ZNF718: variants seen among roughly 807,000 people sequenced by gnomAD.
ZNF718 encodes zinc finger protein 718.
ZNF718 carries 3 observed loss-of-function variants against 2.6 expected under a neutral mutation model. The observed-to-expected ratio is 1.16, with a 90% CI of 0.53 to 3.01. ZNF718 has a LOEUF of 3.01. ZNF718 is among the 30% of genes most tolerant of loss of function. The probability of loss-of-function intolerance (pLI) is 0.03; values close to 1 mark genes in which losing one functional copy is unlikely to be tolerated. For synonymous variants in ZNF718, 135 were observed against 77.9 expected (o/e 1.73, Z -3.86); for missense variants, 468 against 230.0 (o/e 2.03, Z -6.69).
At position 161,890 on chromosome 4, in the gene ZNF718, A is replaced by G. The variant is rs1382545410; in HGVS notation, c.1205A>G (p.Lys402Arg). The G allele has an allele frequency of 5.1e-6, 4 of 780,234 alleles. No individual in the cohort carries two copies. Among genetic ancestry groups the G allele is most frequent in the Non-Finnish European group, 9.6e-6 (4 of 417,748 alleles). 48.3% of individuals were successfully genotyped at this position (780,234 alleles called of 1,614,324 possible). The change falls in exon 4 of 4, where the codon AAA (lysine) becomes AGA (arginine). Residue 402 changes from lysine to arginine, a missense_variant. Coordinates refer to ENST00000510175, the MANE Select transcript of ZNF718 (RefSeq NM_001039127.6). ...KNPYKCEDCGKAFKVFANLHN... is the reference protein window; with the variant it reads ...KNPYKCEDCGRAFKVFANLHN... ...CCCTACAAATGTGAAGATTGTGGCA[A>G]AGCCTTTAAAGTGTTTGCAAACCTG... is the stretch of plus-strand genomic sequence containing the variant.
At chr4:166,143 T>A (rs1365843114), downstream of ZNF718, among the ~76,000 whole-genome samples, 2 of 152,158 alleles carry the variant, frequency 1.3e-5, no homozygotes, top group African/African-American at 4.8e-5. Flanking sequence ...GAATGATGGT[T>A]TCCAGCTTCA....
At chr4:151,770 G>T (rs1449184766) in intron 3 of ZNF718, among the ~76,000 whole-genome samples, 1 of 151,922 alleles carries the variant, frequency 6.6e-6, no homozygotes, top group African/African-American at 2.4e-5. Context: ...CTACACACCT[G>T]TGGGTGTTTC....
At chr4:145,617 TCTA>T (rs1225520059) in intron 3 of ZNF718, among the ~76,000 whole-genome samples, 4 of 152,048 alleles carry the variant, frequency 2.6e-5, no homozygotes, top group Non-Finnish European at 2.9e-5. Context: ...CACAAGTCTG[TCTA>T]CTTTTTTTTG....
intron 3 of ZNF718, among the ~76,000 whole-genome samples, chr4:144,596 G>A (rs1713350626): frequency 6.6e-6 from 1 of 152,174 alleles, no homozygotes; most frequent in South Asian, 2.1e-4. Context: ...ATCATTTTGG[G>A]TAGTATGAAA....
rs782233637 is a variant in ZNF718, at chr4:161,970, G to A, written c.1285G>A (p.Gly429Ser). ...GEKPYICKQC[G>S]KAFKQSSHLN... is the part of the protein sequence containing the mutation. The stretch of plus-strand genomic sequence containing the variant: ...GAAACCCTACATATGTAAACAATGT[G>A]GCAAAGCCTTTAAACAGTCCTCACA... The change falls in exon 4 of 4, where the codon GGC becomes AGC. Residue 429 changes from glycine (G) to serine (S), a missense_variant. Gly to Ser is a moderately conservative substitution (Grantham distance 56). Transcript: ENST00000510175. 2 of 780,018 alleles carry A rather than the reference G, an allele frequency of 2.6e-6. No homozygotes were observed. Among genetic ancestry groups the A allele is most frequent in the African/African-American group, 3.4e-5 (2 of 59,104 alleles). 48.3% of individuals were successfully genotyped at this position (780,018 alleles called of 1,614,324 possible).
intron 3 of ZNF718, among the ~76,000 whole-genome samples, chr4:190,526 A>G (rs1316916004): frequency 6.6e-6 from 1 of 152,122 alleles, no homozygotes; most frequent in Non-Finnish European, 1.5e-5. Flanking sequence ...AAGGTGACAA[A>G]TCTTATTTGG....
rs1715279940 is a variant in ZNF718, at chr4:128,239, G to A, written c.4-2549G>A. On this transcript the variant is annotated intron_variant, in intron 1 of 3. Coordinates refer to ENST00000510175, the MANE Select transcript of ZNF718 (RefSeq NM_001039127.6). Reference sequence around the variant, plus strand: ...TCACAGAAGACATTTTCTGCATCATGAGAGGTCAATGTAGACATCTTAAGC... The same window carrying A: ...TCACAGAAGACATTTTCTGCATCATAAGAGGTCAATGTAGACATCTTAAGC... 1.9e-5 allele frequency among the ~76,000 whole-genome samples: 2 copies of A among 103,830 alleles called. 1 individual carries two copies. Among genetic ancestry groups the A allele is most frequent in the African/African-American group, 6.7e-5 (2 of 29,894 alleles). 68.1% of individuals were successfully genotyped at this position (103,830 alleles called of 152,430 possible). A position where few individuals can be genotyped will look rare whatever the true frequency, so the allele number is the denominator to read the frequency against.
downstream of ZNF718, among the ~76,000 whole-genome samples, chr4:169,043 G>C (rs1416420824): frequency 6.6e-6 from 1 of 152,126 alleles, no homozygotes; most frequent in Non-Finnish European, 1.5e-5. Context: ...AGAGATTCTG[G>C]TATGTTGTGT....
At chr4:170,582 CTTCAT>C (rs1717202870) in intron 3 of ZNF718, among the ~76,000 whole-genome samples, 1 of 152,124 alleles carries the variant, frequency 6.6e-6, no homozygotes, top group African/African-American at 2.4e-5. Context: ...TCTCTTCTCA[CTTCAT>C]TTCATTTATT....
At chr4:175,307 A>G (rs1717325460) in intron 3 of ZNF718, among the ~76,000 whole-genome samples, 2 of 152,172 alleles carry the variant, frequency 1.3e-5, no homozygotes, top group South Asian at 4.1e-4. Flanking sequence ...TTACTGTCAT[A>G]CTTTCTACTC....
chr4:137,259 A>T (rs927864347), intron 3 of ZNF718, among the ~76,000 whole-genome samples: 1 of 152,142 alleles, frequency 6.6e-6, no homozygotes, highest in Non-Finnish European at 1.5e-5. Flanking sequence ...AAAATTACCT[A>T]GTCTCAGGTA....
intron 3 of ZNF718, among the ~76,000 whole-genome samples, chr4:140,184 A>C (rs1009429917): frequency 2.6e-5 from 4 of 152,024 alleles, no homozygotes; most frequent in Admixed American, 1.3e-4. Context: ...TCCAGTTCTC[A>C]TTGCAGTTCA....
chr4:179,644 G>A (rs1268573802), intron 3 of ZNF718, among the ~76,000 whole-genome samples: 4 of 152,190 alleles, frequency 2.6e-5, no homozygotes, highest in African/African-American at 9.7e-5. Context: ...CCGAACCATG[G>A]AAGGTAGGCA....
intron 3 of ZNF718, among the ~76,000 whole-genome samples, chr4:180,471 G>T (rs1421860450): frequency 6.6e-6 from 1 of 152,162 alleles, no homozygotes; most frequent in Non-Finnish European, 1.5e-5. Context: ...AAAACTCTCG[G>T]TCGGGTTCAG....
At chr4:192,946 G>A (rs1717721279) in intron 3 of ZNF718, among the ~76,000 whole-genome samples, 1 of 152,088 alleles carries the variant, frequency 6.6e-6, no homozygotes, top group African/African-American at 2.4e-5. Context: ...ATAATGATTT[G>A]GCCATCTGAT....
chr4:124,894 C>A, intron 1 of ZNF718: 1 of 530,100 alleles, frequency 1.9e-6, no homozygotes, highest in Admixed American at 3.4e-5. Flanking sequence ...CCTGCACTTT[C>A]CCCGGGCTGT....
intron 3 of ZNF718, among the ~76,000 whole-genome samples, chr4:200,217 A>G (rs1169434557): frequency 2.6e-5 from 4 of 152,188 alleles, no homozygotes; most frequent in Non-Finnish European, 4.4e-5. Context: ...AATCGGATAC[A>G]AAACTGGGGA....
At chr4:144,928 G>GT (rs140053002) in intron 3 of ZNF718, among the ~76,000 whole-genome samples, 34 of 151,556 alleles carry the variant, frequency 2.2e-4, no homozygotes, top group African/African-American at 7.5e-4. Flanking sequence ...CATATGCAAA[G>GT]TTTTTTTTGT....
chr4:177,526 G>T (rs1289559550), intron 3 of ZNF718, among the ~76,000 whole-genome samples: 1 of 152,058 alleles, frequency 6.6e-6, no homozygotes, highest in Non-Finnish European at 1.5e-5. Context: ...TGGGATCCCT[G>T]GCCTTTGTCT....
Sources: gnomAD v4.1 joint callset for allele counts (sites outside exome capture counted in the v4.1 genomes callset) on GRCh38, gnomAD v4.1.1 for gene constraint, MANE v1.5 for transcripts, NCBI Gene and HGNC (gene_info 2026-07-23, HGNC 2026-07-21) for gene names.